Variants in ATP9A observed in about 807,000 individuals in gnomAD.
The protein encoded by ATP9A is ATPase phospholipid transporting 9A, also known as probable phospholipid-transporting ATPase IIA.
Under a neutral mutation model 144.1 loss-of-function variants are expected in ATP9A, and 52 were observed. That is an observed-to-expected ratio of 0.36 (90% CI 0.29 to 0.45). The LOEUF is 0.45. Ranked by LOEUF, ATP9A falls within the 20% of genes least tolerant of loss-of-function variation. The probability of loss-of-function intolerance (pLI) is 1.00; values close to 1 mark genes in which losing one functional copy is unlikely to be tolerated. For missense variants in ATP9A, 947 were observed against 1,392.7 expected, an observed-to-expected ratio of 0.68 and a Z score of 5.09; for synonymous variants, 582 against 557.4, an observed-to-expected ratio of 1.04 and a Z score of -0.62.
At position 51,767,363 on chromosome 20, in the gene ATP9A, G is replaced by A. The variant is rs939223873; in HGVS notation, c.68+939C>T. Among the ~76,000 whole-genome samples, 91 of 152,262 alleles carry A rather than the reference G, an allele frequency of 6.0e-4. 1 individual carries two copies. Among genetic ancestry groups the A allele is most frequent in the Non-Finnish European group, 1.0e-3 (70 of 68,014 alleles). ...CTCTGATTGGCGGGTCTAGGCGGGG[G>A]CCGGGAAATCTGCATTTGCACCAGC... On this transcript the variant is annotated intron_variant, in intron 1 of 27. Transcript: ENST00000338821.
At position 51,601,189 on chromosome 20, in the gene ATP9A, C is replaced by G. The variant is rs368993333; in HGVS notation, c.*22G>C. On this transcript the variant is annotated 3_prime_UTR_variant, in exon 28 of 28. Coordinates refer to ENST00000338821, the MANE Select transcript of ATP9A (RefSeq NM_006045.3). ...CATCAGGGAAGCGCCAAGACCAGGGCCCCCTCCAGCGAACGCACGGCCTAT... is the reference window on the plus strand; with the variant it reads ...CATCAGGGAAGCGCCAAGACCAGGGGCCCCTCCAGCGAACGCACGGCCTAT... 3 of 1,579,124 alleles carry G rather than the reference C, an allele frequency of 1.9e-6. No homozygotes were observed. The highest frequency in any genetic ancestry group is 2.6e-6 in the Non-Finnish European group (3 of 1,162,132).
chr20:51,714,631 G>A (rs1302552559), intron 3 of ATP9A, among the ~76,000 whole-genome samples: 1 of 152,108 alleles, frequency 6.6e-6, no homozygotes, highest in Admixed American at 6.5e-5. Context: ...GCCTCCCAAA[G>A]TGCTGGGATT....
intron 1 of ATP9A, among the ~76,000 whole-genome samples, chr20:51,764,689 A>G (rs1380226476): frequency 6.6e-6 from 1 of 152,098 alleles, no homozygotes; most frequent in African/African-American, 2.4e-5. Context: ...ACACATTAAT[A>G]TCAGTGAATC....
chr20:51,620,209 G>A (rs570330227), intron 19 of ATP9A, among the ~76,000 whole-genome samples: 6 of 152,012 alleles, frequency 3.9e-5, no homozygotes, highest in East Asian at 3.9e-4. Flanking sequence ...AAAAGCAGTC[G>A]TACACCATAT....
At chr20:51,685,024 A>C (rs71338430) in intron 9 of ATP9A, among the ~76,000 whole-genome samples, 1 of 139,418 alleles carries the variant, frequency 7.2e-6, no homozygotes, top group East Asian at 2.1e-4. Context: ...AAATAAAAAA[A>C]AAAAAAAAAA....
chr20:51,670,696 T>C (rs1601094488), intron 12 of ATP9A, among the ~76,000 whole-genome samples: 1 of 152,190 alleles, frequency 6.6e-6, no homozygotes, highest in Admixed American at 6.5e-5. Context: ...ACCACTCTGA[T>C]AGCCTAATGC....
At chr20:51,688,460 T>C (rs1380212134) in intron 9 of ATP9A, among the ~76,000 whole-genome samples, 1 of 151,954 alleles carries the variant, frequency 6.6e-6, no homozygotes, top group Non-Finnish European at 1.5e-5. Context: ...AGCGTGGTGG[T>C]GCGGGCCTAT....
At chr20:51,718,882 C>G (rs1420729244) in intron 3 of ATP9A, among the ~76,000 whole-genome samples, 1 of 142,884 alleles carries the variant, frequency 7.0e-6, no homozygotes, top group Non-Finnish European at 1.5e-5. Context: ...GTAATCCCAG[C>G]ACTTTGGGAG....
intron 1 of ATP9A, among the ~76,000 whole-genome samples, chr20:51,744,016 A>G (rs1416357543): frequency 2.6e-5 from 4 of 152,010 alleles, no homozygotes; most frequent in Admixed American, 2.6e-4. Context: ...CAAAAAAAAA[A>G]AAGTTATTTT....
intron 1 of ATP9A, among the ~76,000 whole-genome samples, chr20:51,764,941 G>C (rs755124386): frequency 6.6e-6 from 1 of 151,992 alleles, no homozygotes; most frequent in Non-Finnish European, 1.5e-5. Context: ...GGCTGGTCTC[G>C]AACTCCTGAC....
At chr20:51,724,095 C>T (rs1379856366) in intron 3 of ATP9A, among the ~76,000 whole-genome samples, 1 of 151,904 alleles carries the variant, frequency 6.6e-6, no homozygotes, top group African/African-American at 2.4e-5. Flanking sequence ...CGCTTGGACC[C>T]AGGAGGCAGA....
chr20:51,628,221 A>T (rs1053578550), intron 16 of ATP9A, among the ~76,000 whole-genome samples: 5 of 152,202 alleles, frequency 3.3e-5, no homozygotes, highest in African/African-American at 1.2e-4. Context: ...CAAACTGAGA[A>T]TCTTATGCAA....
At chr20:51,626,174 C>T (rs2077247729) in intron 17 of ATP9A, among the ~76,000 whole-genome samples, 1 of 152,180 alleles carries the variant, frequency 6.6e-6, no homozygotes, top group African/African-American at 2.4e-5. Flanking sequence ...CTGGTTCAAC[C>T]CCAACATTTT....
intron 13 of ATP9A, among the ~76,000 whole-genome samples, chr20:51,661,684 T>C (rs2077411424): frequency 6.6e-6 from 1 of 151,820 alleles, no homozygotes; most frequent in African/African-American, 2.4e-5. Flanking sequence ...AATACACTAT[T>C]AAAGATAAAG....
chr20:51,757,017 C>T (rs774676009), intron 1 of ATP9A, among the ~76,000 whole-genome samples: 21 of 152,178 alleles, frequency 1.4e-4, no homozygotes, highest in Non-Finnish European at 2.6e-4. Context: ...CCATTCACCC[C>T]CCAGAGGACA....
At position 51,715,396 on chromosome 20, in the gene ATP9A, G is replaced by A. The variant is rs78841362; in HGVS notation, c.328-2322C>T. 4.1e-3 allele frequency among the ~76,000 whole-genome samples: 622 copies of A among 152,296 alleles called. 4 individuals carry two copies. Among genetic ancestry groups the A allele is most frequent in the African/African-American group, 0.014 (584 of 41,546 alleles). On this transcript the variant is annotated intron_variant, in intron 3 of 27. Coordinates refer to ENST00000338821, the MANE Select transcript of ATP9A (RefSeq NM_006045.3). Reference sequence around the variant, plus strand: ...CCTGTTCTGTGAGGAGCACGTACCCGGTGTGCAGGGCTGCCCCCTCCACTA... The same window carrying A: ...CCTGTTCTGTGAGGAGCACGTACCCAGTGTGCAGGGCTGCCCCCTCCACTA...
intron 24 of ATP9A, among the ~76,000 whole-genome samples, chr20:51,609,156 C>T (rs989582928): frequency 6.6e-6 from 1 of 151,816 alleles, no homozygotes. Flanking sequence ...CTGAGGGCGA[C>T]GGAAGAGGAA....
intron 1 of ATP9A, among the ~76,000 whole-genome samples, chr20:51,739,869 C>T (rs550037800): frequency 2.0e-5 from 3 of 152,230 alleles, no homozygotes; most frequent in South Asian, 2.1e-4. Context: ...AGGGGACAGA[C>T]ATCCTGTTCC....
At chr20:51,635,171 A>G (rs968807630) in intron 15 of ATP9A, among the ~76,000 whole-genome samples, 2 of 152,218 alleles carry the variant, frequency 1.3e-5, no homozygotes, top group Non-Finnish European at 2.9e-5. Flanking sequence ...CTGAACAGGT[A>G]GCTGACAGGG....
Sources: gnomAD v4.1 joint callset for allele counts (sites outside exome capture counted in the v4.1 genomes callset) on GRCh38, gnomAD v4.1.1 for gene constraint, MANE v1.5 for transcripts, NCBI Gene and HGNC (gene_info 2026-07-23, HGNC 2026-07-21) for gene names.